CCBE1: variants seen among roughly 807,000 people sequenced by gnomAD.
CCBE1 encodes the protein collagen and calcium binding EGF domains 1.
Under a neutral mutation model 50.0 loss-of-function variants are expected in CCBE1, and 37 were observed. The observed-to-expected ratio is 0.74, with a 90% CI of 0.57 to 0.97. The LOEUF (loss-of-function observed/expected upper bound fraction) is 0.97, where lower values mean the gene tolerates loss of function less well. Among genes scored for constraint, CCBE1 ranks in the 50% least tolerant of loss-of-function variants. The pLI, the probability that CCBE1 is intolerant of heterozygous loss-of-function variation, is 0.00. For synonymous variants in CCBE1, 234 were observed against 203.7 expected (o/e 1.15, Z -1.27); for missense variants, 538 against 523.8 (o/e 1.03, Z -0.26).
intron 2 of CCBE1, among the ~76,000 whole-genome samples, chr18:59,648,438 G>C (rs993812811): frequency 6.6e-6 from 1 of 152,134 alleles, no homozygotes; most frequent in African/African-American, 2.4e-5. Context: ...AGGCATGGGG[G>C]CTCACACCTG....
intron 2 of CCBE1, among the ~76,000 whole-genome samples, chr18:59,633,607 A>AGCCAGCAG (rs897289231): frequency 2.6e-5 from 4 of 152,216 alleles, no homozygotes; most frequent in African/African-American, 9.7e-5. Context: ...AAGGATACTC[A>AGCCAGCAG]GCCAGCAGTG....
At chr18:59,628,028 C>T (rs2053809075) in intron 2 of CCBE1, among the ~76,000 whole-genome samples, 1 of 152,148 alleles carries the variant, frequency 6.6e-6, no homozygotes, top group East Asian at 1.9e-4. Flanking sequence ...GCCTGGGCAA[C>T]ATAACGACAC....
intron 3 of CCBE1, among the ~76,000 whole-genome samples, chr18:59,476,602 A>G (rs1598934388): frequency 6.6e-6 from 1 of 152,372 alleles, no homozygotes; most frequent in Middle Eastern, 3.4e-3. Context: ...ATAAACCTTC[A>G]TTTACAGAAT....
chr18:59,493,204 G>A (rs777058675), intron 2 of CCBE1, among the ~76,000 whole-genome samples: 29 of 152,180 alleles, frequency 1.9e-4, no homozygotes, highest in Non-Finnish European at 4.0e-4. Context: ...ATCTGAGATA[G>A]TCTTTCTTAG....
In CCBE1 at chr18:59,432,513, A is replaced by G. The variant is rs1382873035; in HGVS notation, c.*3395T>C. On this transcript the variant is annotated 3_prime_UTR_variant, in exon 11 of 11. Transcript: ENST00000439986. ...CTGTTTAGACAGTAAAGCTTTTTCT[A>G]TCTAGTTAAAAGATACATTAGAAAT... is the stretch of plus-strand genomic sequence containing the variant. 2.6e-5 allele frequency: 4 copies of G among 152,212 alleles called. No individual in the cohort carries two copies. The highest frequency in any genetic ancestry group is 4.4e-5 in the Non-Finnish European group (3 of 68,038). The allele number at this position is 152,212 out of a possible 1,614,324, so 9.4% of individuals were successfully genotyped here.
At chr18:59,689,910 CTGCT>C (rs1371377141) in intron 2 of CCBE1, among the ~76,000 whole-genome samples, 2 of 152,160 alleles carry the variant, frequency 1.3e-5, no homozygotes, top group Non-Finnish European at 2.9e-5. Context: ...TTTCCTGACT[CTGCT>C]TGAAGCTGTG....
In CCBE1 at chr18:59,630,138, C is replaced by T. The variant is rs116531764; in HGVS notation, c.212+66491G>A. 2.7e-3 allele frequency among the ~76,000 whole-genome samples: 407 copies of T among 152,296 alleles called. 1 individual carries two copies. Among genetic ancestry groups the T allele is most frequent in the African/African-American group, 9.4e-3 (389 of 41,566 alleles). ...AAACCAGCCACCATGTGCGGCAAAGCTGTGACAAGCAGGCAAGACTTTGAC... is the reference window on the plus strand; with the variant it reads ...AAACCAGCCACCATGTGCGGCAAAGTTGTGACAAGCAGGCAAGACTTTGAC... On this transcript the variant is annotated intron_variant, in intron 2 of 10. Coordinates refer to ENST00000439986, the MANE Select transcript of CCBE1 (RefSeq NM_133459.4).
At chr18:59,532,687 G>C (rs1328401604) in intron 2 of CCBE1, among the ~76,000 whole-genome samples, 1 of 152,172 alleles carries the variant, frequency 6.6e-6, no homozygotes. Flanking sequence ...AATTAACTTG[G>C]ATTAATTATA....
intron 2 of CCBE1, among the ~76,000 whole-genome samples, chr18:59,662,401 G>A (rs1368436572): frequency 6.6e-6 from 1 of 152,084 alleles, no homozygotes; most frequent in Admixed American, 6.6e-5. Context: ...ATTACAAGGT[G>A]GATTACATTA....
intron 2 of CCBE1, among the ~76,000 whole-genome samples, chr18:59,603,662 A>C (rs2144565969): frequency 6.6e-6 from 1 of 152,300 alleles, no homozygotes; most frequent in East Asian, 1.9e-4. Flanking sequence ...TCCTACTACA[A>C]AGTTGTTGCT....
intron 2 of CCBE1, among the ~76,000 whole-genome samples, chr18:59,621,573 C>A (rs2053710718): frequency 3.3e-5 from 5 of 152,202 alleles, no homozygotes; most frequent in Admixed American, 3.3e-4. Context: ...TGGGCTATAA[C>A]TGAATCCCAG....
chr18:59,557,336 T>A (rs566718656), intron 2 of CCBE1, among the ~76,000 whole-genome samples: 22 of 152,212 alleles, frequency 1.4e-4, no homozygotes, highest in Non-Finnish European at 2.4e-4. Context: ...CCCACACAAC[T>A]GCATGAGCAT....
chr18:59,531,821 C>T (rs778746317), intron 2 of CCBE1, among the ~76,000 whole-genome samples: 1 of 152,130 alleles, frequency 6.6e-6, no homozygotes, highest in African/African-American at 2.4e-5. Context: ...GGAATAAGTG[C>T]TTTCTAGAAT....
intron 5 of CCBE1, among the ~76,000 whole-genome samples, chr18:59,459,988 A>T (rs1911384267): frequency 6.6e-6 from 1 of 152,242 alleles, no homozygotes; most frequent in Non-Finnish European, 1.5e-5. Context: ...CGGTCACGTT[A>T]TCAGAAAATA....
intron 2 of CCBE1, among the ~76,000 whole-genome samples, chr18:59,614,176 T>C (rs1163250991): frequency 6.6e-6 from 1 of 152,128 alleles, no homozygotes; most frequent in African/African-American, 2.4e-5. Flanking sequence ...CCGCTAATTT[T>C]TGTATTTTGG....
chr18:59,522,993 CA>C (rs57217059), intron 2 of CCBE1, among the ~76,000 whole-genome samples: 1,063 of 89,200 alleles, frequency 0.012, 18 homozygotes, highest in African/African-American at 0.037. Flanking sequence ...GACTCTGTTT[CA>C]AAAAAAAAAA....
chr18:59,591,506 A>T (rs922014638), intron 2 of CCBE1, among the ~76,000 whole-genome samples: 1 of 152,224 alleles, frequency 6.6e-6, no homozygotes, highest in African/African-American at 2.4e-5. Flanking sequence ...TATAAACTCA[A>T]CAACTGGAGG....
chr18:59,651,201 GTTCC>G (rs1315825278), intron 2 of CCBE1, among the ~76,000 whole-genome samples: 1 of 152,184 alleles, frequency 6.6e-6, no homozygotes, highest in East Asian at 1.9e-4. Flanking sequence ...ATTACAATGT[GTTCC>G]AGGGAAAATA....
chr18:59,561,153 G>A (rs2052731020), intron 2 of CCBE1, among the ~76,000 whole-genome samples: 1 of 152,174 alleles, frequency 6.6e-6, no homozygotes. Context: ...TCACCAAAAG[G>A]GTAACTCCTA....
Sources: gnomAD v4.1 joint callset for allele counts (sites outside exome capture counted in the v4.1 genomes callset) on GRCh38, gnomAD v4.1.1 for gene constraint, MANE v1.5 for transcripts, NCBI Gene and HGNC (gene_info 2026-07-23, HGNC 2026-07-21) for gene names.